Variants in ROBO2 observed in about 807,000 individuals in gnomAD.
ROBO2 encodes the protein roundabout guidance receptor 2.
ROBO2 carries 53 observed loss-of-function variants against 160.8 expected under a neutral mutation model. The observed-to-expected ratio is 0.33, with a 90% CI of 0.26 to 0.41. The LOEUF (loss-of-function observed/expected upper bound fraction) is 0.41, where lower values mean the gene tolerates loss of function less well. Among genes scored for constraint, ROBO2 ranks in the 10% least tolerant of loss-of-function variants. The pLI is 1.00. For missense variants in ROBO2, 1,577 were observed against 1,722.4 expected (o/e 0.92, Z 1.49); for synonymous variants, 664 against 611.7 (o/e 1.09, Z -1.26).
At chr3:76,343,425 G>A (rs545719545) in intron 2 of ROBO2, among the ~76,000 whole-genome samples, 2 of 151,966 alleles carry the variant, frequency 1.3e-5, no homozygotes, top group African/African-American at 2.4e-5. Flanking sequence ...GTGTCTATCT[G>A]CATAAGGTGA....
intron 2 of ROBO2, among the ~76,000 whole-genome samples, chr3:76,840,535 A>G (rs112398618): frequency 0.16 from 23,533 of 150,344 alleles, 2,130 homozygotes; most frequent in East Asian, 0.36. Flanking sequence ...GCTTGAACCC[A>G]GAAGGTGGAA....
At chr3:77,042,216 G>A (rs2064172272) in intron 1 of ROBO2, among the ~76,000 whole-genome samples, 2 of 152,284 alleles carry the variant, frequency 1.3e-5, no homozygotes, top group South Asian at 4.1e-4. Flanking sequence ...AGCAGTAGAT[G>A]TTTAAGATTT....
At chr3:77,352,319 T>C (rs1344569513) in intron 2 of ROBO2, among the ~76,000 whole-genome samples, 5 of 152,080 alleles carry the variant, frequency 3.3e-5, no homozygotes, top group African/African-American at 1.2e-4. Flanking sequence ...AACTCTTGAC[T>C]CCAGGAGTAA....
intron 2 of ROBO2, among the ~76,000 whole-genome samples, chr3:76,080,672 A>C (rs1411483757): frequency 6.6e-6 from 1 of 152,142 alleles, no homozygotes; most frequent in Non-Finnish European, 1.5e-5. Context: ...ATTAGATGTC[A>C]GTCTTTATTT....
intron 2 of ROBO2, among the ~76,000 whole-genome samples, chr3:77,000,434 C>T (rs1178187196): frequency 6.6e-6 from 1 of 152,136 alleles, no homozygotes; most frequent in East Asian, 1.9e-4. Context: ...TATTCAAGGC[C>T]CTGCATCTCC....
At chr3:75,994,162 C>T (rs964446876) in intron 2 of ROBO2, among the ~76,000 whole-genome samples, 2 of 152,066 alleles carry the variant, frequency 1.3e-5, no homozygotes, top group Non-Finnish European at 2.9e-5. Context: ...TTAGGGGGTC[C>T]ACACCAAATT....
At chr3:77,093,446 C>T (rs2150040190) in intron 1 of ROBO2, among the ~76,000 whole-genome samples, 1 of 152,224 alleles carries the variant, frequency 6.6e-6, no homozygotes, top group South Asian at 2.1e-4. Flanking sequence ...TAGCCAATAA[C>T]ATAGAATACC....
At chr3:76,013,027 A>G (rs71195246) in intron 2 of ROBO2, among the ~76,000 whole-genome samples, 10 of 144,590 alleles carry the variant, frequency 6.9e-5, no homozygotes, top group South Asian at 2.2e-4. Context: ...CATAAAGGCA[A>G]TTGGAGGCTG....
intron 2 of ROBO2, among the ~76,000 whole-genome samples, chr3:75,988,316 TATA>T (rs2065471706): frequency 6.6e-6 from 1 of 152,140 alleles, no homozygotes; most frequent in Non-Finnish European, 1.5e-5. Context: ...ACTTTTGACA[TATA>T]ATTGTTCATA....
intron 2 of ROBO2, among the ~76,000 whole-genome samples, chr3:77,409,674 A>C (rs773815235): frequency 6.6e-6 from 1 of 152,226 alleles, no homozygotes; most frequent in East Asian, 1.9e-4. Context: ...TTCACTGGAG[A>C]AGGACTGGAC....
At chr3:75,950,527 C>T (rs1173023527) in intron 2 of ROBO2, among the ~76,000 whole-genome samples, 1 of 152,054 alleles carries the variant, frequency 6.6e-6, no homozygotes, top group African/African-American at 2.4e-5. Flanking sequence ...AGACCCACTC[C>T]ATTATATAGA....
rs144425946 is a variant in ROBO2, at chr3:77,458,385, A to T, written c.389-19029A>T. Among the ~76,000 whole-genome samples, 219 of 152,318 alleles carry T rather than the reference A, an allele frequency of 1.4e-3. 3 individuals are homozygous for T. Among genetic ancestry groups the T allele is most frequent in the African/African-American group, 5.2e-3 (215 of 41,586 alleles). On this transcript the variant is annotated intron_variant, in intron 2 of 25. Transcript: ENST00000461745. ...AATGTTTTAATAACGGTGAATGAGG[A>T]GACAGAAAAGATTGAGGCTGGCTAG... is the stretch of plus-strand genomic sequence containing the variant.
intron 2 of ROBO2, among the ~76,000 whole-genome samples, chr3:76,480,674 C>A (rs1241790508): frequency 6.6e-6 from 1 of 152,086 alleles, no homozygotes; most frequent in Non-Finnish European, 1.5e-5. Context: ...TGATTCGGCT[C>A]TTGGGTGTCT....
At position 77,522,529 on chromosome 3, in the gene ROBO2, G is replaced by A. The variant is rs535222298; in HGVS notation, c.807-246G>A. Among the ~76,000 whole-genome samples, 13 of 151,234 alleles carry A rather than the reference G, an allele frequency of 8.6e-5. No individual in the cohort carries two copies. In the South Asian group the frequency reaches 2.7e-3, roughly 31 times the overall value. On this transcript the variant is annotated intron_variant, in intron 5 of 25. Transcript: ENST00000461745. ...TGCTAATTATGCCTTTGATAGTTGC[G>A]AAGTGGAAAGAATTCTATACATATG...
At chr3:75,953,841 C>T (rs891592377) in intron 2 of ROBO2, among the ~76,000 whole-genome samples, 1 of 151,844 alleles carries the variant, frequency 6.6e-6, no homozygotes, top group African/African-American at 2.4e-5. Context: ...ACAATAAATA[C>T]CTTATGATAT....
chr3:77,539,871 T>A (rs2092374745), intron 6 of ROBO2, among the ~76,000 whole-genome samples: 2 of 152,204 alleles, frequency 1.3e-5, no homozygotes, highest in Non-Finnish European at 2.9e-5. Flanking sequence ...TTCAGGTTAA[T>A]CATTGTTGAC....
chr3:76,377,514 G>T (rs1242535136), intron 2 of ROBO2, among the ~76,000 whole-genome samples: 1 of 152,144 alleles, frequency 6.6e-6, no homozygotes, highest in Non-Finnish European at 1.5e-5. Flanking sequence ...GAAGTGATGT[G>T]CAGAGTTGTG....
chr3:76,675,083 A>G (rs76316223), intron 2 of ROBO2, among the ~76,000 whole-genome samples: 184 of 152,310 alleles, frequency 1.2e-3, no homozygotes, highest in African/African-American at 4.1e-3. Context: ...ATAGCCATAG[A>G]CTATTCTTCA....
Position 77,388,291 on chromosome 3 carries a change from A to G in ROBO2, c.389-89123A>G, listed in dbSNP as rs989246929. 3.2e-4 allele frequency among the ~76,000 whole-genome samples: 49 copies of G among 152,150 alleles called. 1 individual carries two copies. Among genetic ancestry groups the G allele is most frequent in the Non-Finnish European group, 1.0e-4 (7 of 68,028 alleles). ...GCACCAGGCATGGTGGCTCACACCTATAGTCCCAATTACTCAGGAGGCTGG... is the reference window on the plus strand; with the variant it reads ...GCACCAGGCATGGTGGCTCACACCTGTAGTCCCAATTACTCAGGAGGCTGG... On this transcript the variant is annotated intron_variant, in intron 2 of 25. Coordinates refer to ENST00000461745, the Ensembl canonical transcript of ROBO2.
Sources: gnomAD v4.1 joint callset for allele counts (sites outside exome capture counted in the v4.1 genomes callset) on GRCh38, gnomAD v4.1.1 for gene constraint, MANE v1.5 for transcripts, NCBI Gene and HGNC (gene_info 2026-07-23, HGNC 2026-07-21) for gene names.